Variants in LTBP1 observed in about 807,000 individuals in gnomAD.
LTBP1 encodes the protein latent transforming growth factor beta binding protein 1.
In LTBP1, 129 loss-of-function variants were observed where a neutral mutation model predicts 207.6. The ratio of observed to expected loss-of-function variants is 0.62; its 90% CI spans 0.54 to 0.72. The LOEUF (loss-of-function observed/expected upper bound fraction) is 0.72. LTBP1 is among the 30% of genes least tolerant of loss of function. The probability of loss-of-function intolerance (pLI) is 0.00; values close to 1 mark genes in which losing one functional copy is unlikely to be tolerated. For missense variants in LTBP1, 2,281 were observed against 2,217.2 expected (o/e 1.03, Z -0.58); for synonymous variants, 963 against 833.7 (o/e 1.16, Z -2.67).
At chr2:33,016,579 C>T (rs756369728) in intron 2 of LTBP1, among the ~76,000 whole-genome samples, 21 of 152,212 alleles carry the variant, frequency 1.4e-4, no homozygotes, top group Non-Finnish European at 2.4e-4. Flanking sequence ...TTCTAATGTA[C>T]AGCCAAGCCT....
intron 24 of LTBP1, among the ~76,000 whole-genome samples, chr2:33,322,408 A>T (rs1253144697): frequency 6.6e-6 from 1 of 152,178 alleles, no homozygotes; most frequent in Non-Finnish European, 1.5e-5. Flanking sequence ...GTGTTTTTGT[A>T]CTTGAGACCT....
At chr2:33,067,652 G>A (rs1000138782) in intron 3 of LTBP1, among the ~76,000 whole-genome samples, 5 of 152,238 alleles carry the variant, frequency 3.3e-5, no homozygotes, top group African/African-American at 2.4e-5. Flanking sequence ...CATTTACATT[G>A]TATTAGGTAT....
chr2:33,176,531 A>C (rs1419803169), intron 5 of LTBP1, among the ~76,000 whole-genome samples: 2 of 151,594 alleles, frequency 1.3e-5, no homozygotes, highest in Non-Finnish European at 1.5e-5. Context: ...GGCTGACAAC[A>C]TGTTAATTTA....
intron 24 of LTBP1, among the ~76,000 whole-genome samples, chr2:33,327,374 T>C (rs1333529327): frequency 6.6e-6 from 1 of 152,212 alleles, no homozygotes; most frequent in Non-Finnish European, 1.5e-5. Context: ...GTTATACTTC[T>C]AAGAAAACGA....
intron 3 of LTBP1, among the ~76,000 whole-genome samples, chr2:33,056,182 C>T (rs1342101476): frequency 6.6e-6 from 1 of 151,958 alleles, no homozygotes; most frequent in African/African-American, 2.4e-5. Flanking sequence ...AGCCGTAGCG[C>T]AGAAAAAAAT....
rs1264968560 is a variant in LTBP1, at chr2:33,280,110, T to G, written c.3064T>G (p.Cys1022Gly). Residue 1022 changes from cysteine to glycine, a missense_variant, in exon 19 of 34, where the codon TGC becomes GGC. Coordinates refer to ENST00000404816, the MANE Select transcript of LTBP1 (RefSeq NM_206943.4). Reference sequence around the variant, plus strand: ...TGTGAATTCTCCTGGATCTTACCAGTGCGTTCCCTGCACAGAAGGATTCCG... The same window carrying G: ...TGTGAATTCTCCTGGATCTTACCAGGGCGTTCCCTGCACAGAAGGATTCCG... Reference protein sequence around the residue: ...QCVNSPGSYQCVPCTEGFRGW... With the variant: ...QCVNSPGSYQGVPCTEGFRGW... 1.9e-6 allele frequency: 3 copies of G among 1,614,010 alleles called. No homozygotes were observed. The highest frequency in any genetic ancestry group is 1.3e-5 in the African/African-American group (1 of 74,924).
At chr2:33,015,036 A>G (rs989206108) in intron 2 of LTBP1, among the ~76,000 whole-genome samples, 8 of 151,210 alleles carry the variant, frequency 5.3e-5, no homozygotes, top group African/African-American at 1.9e-4. Flanking sequence ...TATGTTGCAC[A>G]GGCTGGACTC....
intron 5 of LTBP1, among the ~76,000 whole-genome samples, chr2:33,183,544 G>A (rs1473987695): frequency 6.6e-6 from 1 of 152,212 alleles, no homozygotes; most frequent in East Asian, 1.9e-4. Context: ...ACCTTGGTAA[G>A]TGAAGTCTGA....
At chr2:33,302,125 C>G (rs1004190113) in intron 22 of LTBP1, among the ~76,000 whole-genome samples, 1 of 152,190 alleles carries the variant, frequency 6.6e-6, no homozygotes, top group Non-Finnish European at 1.5e-5. Flanking sequence ...ACTTTCACTA[C>G]TTGTTTGGCT....
chr2:32,984,739 G>A (rs1683277084), intron 2 of LTBP1, among the ~76,000 whole-genome samples: 1 of 151,160 alleles, frequency 6.6e-6, no homozygotes, highest in African/African-American at 2.4e-5. Context: ...TGGCCAACAT[G>A]GTGAAACCCC....
At chr2:33,284,063 A>G (rs570225646) in intron 19 of LTBP1, among the ~76,000 whole-genome samples, 1 of 152,318 alleles carries the variant, frequency 6.6e-6, no homozygotes, top group South Asian at 2.1e-4. Context: ...TATATTCTGC[A>G]GGGATTTTAT....
intron 9 of LTBP1, among the ~76,000 whole-genome samples, chr2:33,224,712 T>C (rs1367986473): frequency 6.6e-6 from 1 of 152,176 alleles, no homozygotes; most frequent in African/African-American, 2.4e-5. Context: ...TGTATTAATA[T>C]GAAATGTTTT....
At chr2:33,360,506 G>A (rs1214557220) in intron 26 of LTBP1, 91 bp from the exon 27 acceptor site, 11 of 759,186 alleles carry the variant, frequency 1.4e-5, no homozygotes, top group East Asian at 2.6e-5. Flanking sequence ...CTATTGACAC[G>A]GTCACTCTTT....
intron 13 of LTBP1, 93 bp downstream of exon 13, chr2:33,259,703 T>G (rs1266572749): frequency 1.7e-6 from 2 of 1,183,468 alleles, no homozygotes; most frequent in African/African-American, 1.5e-5. Context: ...TTAAATATAG[T>G]AACATCTCTA....
chr2:33,067,140 C>G (rs2077553349), intron 3 of LTBP1, among the ~76,000 whole-genome samples: 1 of 152,190 alleles, frequency 6.6e-6, no homozygotes, highest in Non-Finnish European at 1.5e-5. Context: ...CCACTGCCCT[C>G]CACCCTGGGC....
intron 26 of LTBP1, among the ~76,000 whole-genome samples, chr2:33,359,070 G>T (rs2094897332): frequency 6.6e-6 from 1 of 152,180 alleles, no homozygotes; most frequent in African/African-American, 2.4e-5. Context: ...ATCAGCATTT[G>T]AGTTTTTCCT....
At chr2:33,375,032 T>C (rs1410096173) in intron 31 of LTBP1, among the ~76,000 whole-genome samples, 2 of 152,212 alleles carry the variant, frequency 1.3e-5, no homozygotes, top group East Asian at 3.8e-4. Flanking sequence ...GAAAATACTT[T>C]TACTACTCTC....
intron 8 of LTBP1, among the ~76,000 whole-genome samples, chr2:33,221,852 C>T (rs115008588): frequency 6.6e-6 from 1 of 151,946 alleles, no homozygotes; most frequent in African/African-American, 2.4e-5. Context: ...TTTCAGTTAA[C>T]GTAATAAAGA....
At chr2:33,081,962 C>A (rs111686672) in intron 3 of LTBP1, among the ~76,000 whole-genome samples, 1 of 152,132 alleles carries the variant, frequency 6.6e-6, no homozygotes, top group African/African-American at 2.4e-5. Context: ...CCCAGCCATG[C>A]GGAACTTGAG....
Sources: allele counts gnomAD v4.1 joint callset (sites outside exome capture counted in the v4.1 genomes callset), GRCh38; gene constraint gnomAD v4.1.1; transcripts MANE v1.5; gene names NCBI Gene and HGNC (gene_info 2026-07-23, HGNC 2026-07-21).